Variants in ABLIM2 observed in about 807,000 individuals in gnomAD.
ABLIM2 encodes actin binding LIM protein family member 2, also known as actin-binding LIM protein 2.
Under a neutral mutation model 97.7 loss-of-function variants are expected in ABLIM2, and 53 were observed. That is an observed-to-expected ratio of 0.54 (90% CI 0.44 to 0.68). The LOEUF (loss-of-function observed/expected upper bound fraction) is 0.68, where lower values mean the gene tolerates loss of function less well. ABLIM2 is among the 30% of genes least tolerant of loss of function. The probability of loss-of-function intolerance (pLI) is 0.00; values close to 1 mark genes in which losing one functional copy is unlikely to be tolerated. For synonymous variants in ABLIM2, 361 were observed against 345.8 expected, an observed-to-expected ratio of 1.04 and a Z score of -0.49; for missense variants, 835 against 867.2, an observed-to-expected ratio of 0.96 and a Z score of 0.47.
intron 10 of ABLIM2, among the ~76,000 whole-genome samples, chr4:8,035,678 A>C (rs1207639334): frequency 6.6e-6 from 1 of 152,174 alleles, no homozygotes; most frequent in Non-Finnish European, 1.5e-5. Flanking sequence ...GGAAATAAAT[A>C]ATCTGTGGTT....
rs993826207 is a variant in ABLIM2, at chr4:8,128,796, C to G, written c.11-22159G>C. ...GAGCCCTCATCATGGGATGAGTGCCCTTGTAAGAAGAGGCCAGAGGCTGCC... is the reference window on the plus strand; with the variant it reads ...GAGCCCTCATCATGGGATGAGTGCCGTTGTAAGAAGAGGCCAGAGGCTGCC... On this transcript the variant is annotated intron_variant, in intron 1 of 20. Coordinates refer to ENST00000447017, the MANE Select transcript of ABLIM2 (RefSeq NM_001130083.2). This position sits in a 1 kb window ranked among gnomAD's most constrained non-coding sequence, Gnocchi z 4.9. 2.0e-5 allele frequency among the ~76,000 whole-genome samples: 3 copies of G among 152,122 alleles called. No individual in the cohort carries two copies. The highest frequency in any genetic ancestry group is 4.4e-5 in the Non-Finnish European group (3 of 68,010).
chr4:8,106,478 A>C lies in ABLIM2; in HGVS notation c.154+16T>G. The C allele has an allele frequency of 1.9e-6, 3 of 1,584,782 alleles. No individual in the cohort carries two copies. Among genetic ancestry groups the C allele is most frequent in the South Asian group, 2.3e-5 (2 of 86,574 alleles). ...CGTTTCAGGGGCCACACTGCAGGGG[A>C]CCGGGGGACACTCACCTTTACAGAC... On this transcript the variant is annotated intron_variant, in intron 2 of 20. Transcript: ENST00000447017.
intron 20 of ABLIM2, among the ~76,000 whole-genome samples, chr4:7,982,186 A>C (rs2149648807): frequency 6.7e-6 from 1 of 150,014 alleles, no homozygotes. Flanking sequence ...AGCGGCATCC[A>C]CGCCCCTCCA....
In ABLIM2 at chr4:8,003,129, T is replaced by G. The variant is rs925146505; in HGVS notation, c.1618+4930A>C. 1.3e-5 allele frequency among the ~76,000 whole-genome samples: 2 copies of G among 152,220 alleles called. No individual in the cohort carries two copies. The highest frequency in any genetic ancestry group is 2.9e-5 in the Non-Finnish European group (2 of 68,042). On this transcript the variant is annotated intron_variant, in intron 16 of 20. Transcript: ENST00000447017. This position sits in a 1 kb window ranked among gnomAD's most constrained non-coding sequence, Gnocchi z 4.2. ...CAAGCACTCATGAAATACAGAGAGA[T>G]GCCCCTTGGCTTACCACGGGCTCAT...
intron 3 of ABLIM2, among the ~76,000 whole-genome samples, chr4:8,091,325 A>AT (rs1469427162): frequency 3.5e-5 from 1 of 28,696 alleles, no homozygotes; most frequent in Non-Finnish European, 5.5e-5. Flanking sequence ...ATAATTATAT[A>AT]TATATTATAT....
chr4:7,991,273 AG>A (rs34183518), intron 17 of ABLIM2, among the ~76,000 whole-genome samples: 15,086 of 152,264 alleles, frequency 0.099, 950 homozygotes, highest in Non-Finnish European at 0.15. Flanking sequence ...ACCTTCCCAG[AG>A]GATGCACAGC....
intron 3 of ABLIM2, among the ~76,000 whole-genome samples, chr4:8,094,454 T>A (rs377665830): frequency 5.1e-4 from 77 of 152,244 alleles, no homozygotes; most frequent in African/African-American, 1.9e-3. Flanking sequence ...CTCACAACTC[T>A]AAGGGGGTCT....
chr4:8,127,438 C>G lies in ABLIM2; in HGVS notation c.11-20801G>C. 8.0e-7 allele frequency: 1 copy of G among 1,244,002 alleles called. No homozygotes were observed. The highest frequency in any genetic ancestry group is 1.0e-6 in the Non-Finnish European group (1 of 952,468). The allele number at this position is 1,244,002 out of a possible 1,614,324, so 77.1% of individuals were successfully genotyped here. A position where few individuals can be genotyped will look rare whatever the true frequency, so the allele number is the denominator to read the frequency against. Reference sequence around the variant, plus strand: ...TGGACCCGTCCTTTCCCACCAGACCCCTGAAGCTGATTCATGGAGCTCACA... The same window carrying G: ...TGGACCCGTCCTTTCCCACCAGACCGCTGAAGCTGATTCATGGAGCTCACA... On this transcript the variant is annotated intron_variant, in intron 1 of 20. Coordinates refer to ENST00000447017, the MANE Select transcript of ABLIM2 (RefSeq NM_001130083.2). The surrounding 1 kb of genome is among the most constrained non-coding windows in gnomAD (Gnocchi z 7.3).
At chr4:8,064,403 G>A (rs2152200243) in intron 6 of ABLIM2, among the ~76,000 whole-genome samples, 1 of 152,324 alleles carries the variant, frequency 6.6e-6, no homozygotes, top group South Asian at 2.1e-4. Context: ...AACAGGACGG[G>A]TGGCTCTGAA....
chr4:7,976,797 A>T (rs1443073053), intron 20 of ABLIM2, among the ~76,000 whole-genome samples: 1 of 152,122 alleles, frequency 6.6e-6, no homozygotes, highest in Non-Finnish European at 1.5e-5. Flanking sequence ...AAGTATACAC[A>T]CATACACATG....
In ABLIM2 at chr4:8,139,194, T is replaced by C. The variant is rs368162349; in HGVS notation, c.10+19486A>G. ...CCTGGGCAACAACAGTGAAACTCTGTCTTGAAAAGAGAAAACGGAAAAGGG... is the reference window on the plus strand; with the variant it reads ...CCTGGGCAACAACAGTGAAACTCTGCCTTGAAAAGAGAAAACGGAAAAGGG... On this transcript the variant is annotated intron_variant, in intron 1 of 20. Transcript: ENST00000447017. Among the ~76,000 whole-genome samples, 21 of 140,594 alleles carry C rather than the reference T, an allele frequency of 1.5e-4. 1 individual carries two copies. The highest frequency in any genetic ancestry group is 1.1e-3 in the Admixed American group (15 of 13,742). The allele number at this position is 140,594 out of a possible 152,430, so 92.2% of individuals were successfully genotyped here.
At position 8,141,823 on chromosome 4, in the gene ABLIM2, G is replaced by A. The variant is rs559945840; in HGVS notation, c.10+16857C>T. ...TGCTACTTGCCACACTGTATCTAGG[G>A]TCCCATCTTAAATTTCATATGTCCA... On this transcript the variant is annotated intron_variant, in intron 1 of 20. Transcript: ENST00000447017. Among the ~76,000 whole-genome samples, 223 of 152,344 alleles carry A rather than the reference G, an allele frequency of 1.5e-3. 1 individual carries two copies. Among genetic ancestry groups the A allele is most frequent in the Non-Finnish European group, 2.3e-3 (158 of 68,036 alleles).
chr4:8,085,067 G>A lies in ABLIM2; in HGVS notation c.454+3102C>T, dbSNP rs530906733. On this transcript the variant is annotated intron_variant, in intron 4 of 20. Coordinates refer to ENST00000447017, the MANE Select transcript of ABLIM2 (RefSeq NM_001130083.2). The surrounding 1 kb of genome is among the most constrained non-coding windows in gnomAD (Gnocchi z 6.1). ...AGCTGAGGCATGCGGGGTGTTCGCT[G>A]CTCCTTCTGGAAGAAGCCTGTGCGG... Among the ~76,000 whole-genome samples, 256 of 152,298 alleles carry A rather than the reference G, an allele frequency of 1.7e-3. 2 individuals are homozygous for A. The Middle Eastern group carries it at 0.017, about 10-fold the overall frequency.
intron 8 of ABLIM2, among the ~76,000 whole-genome samples, chr4:8,051,597 T>A (rs894694528): frequency 1.3e-5 from 2 of 151,384 alleles, no homozygotes; most frequent in African/African-American, 2.4e-5. Context: ...AAAGAAATTA[T>A]TTTAGGCAGA....
chr4:8,073,230 C>A (rs888569018), intron 6 of ABLIM2, among the ~76,000 whole-genome samples: 1 of 151,024 alleles, frequency 6.6e-6, no homozygotes, highest in African/African-American at 2.4e-5. Flanking sequence ...GGGTGGTGTG[C>A]GGGAAGCAGC....
chr4:8,143,152 G>T, intron 1 of ABLIM2, among the ~76,000 whole-genome samples: 1 of 132,970 alleles, frequency 7.5e-6, no homozygotes, highest in Non-Finnish European at 1.6e-5. Context: ...GGGAGCGGGG[G>T]CGAGAGTGGG....
intron 9 of ABLIM2, 25 bp downstream of exon 9, chr4:8,045,139 T>A: frequency 6.2e-7 from 1 of 1,606,640 alleles, no homozygotes; most frequent in Non-Finnish European, 8.5e-7. Flanking sequence ...CCCACCGCCG[T>A]CCCCATAAAA....
chr4:8,008,508 C>T lies in ABLIM2; in HGVS notation c.1477-308G>A, dbSNP rs187762778. ...TGCACGGGGAGAATGAGGGCTGCTG[C>T]CCAAGTCCAGCCTCGGGCTCTCCCT... On this transcript the variant is annotated intron_variant, in intron 15 of 20. Coordinates refer to ENST00000447017, the MANE Select transcript of ABLIM2 (RefSeq NM_001130083.2). Among the ~76,000 whole-genome samples the T allele has an allele frequency of 3.7e-3, 556 of 152,320 alleles. 1 individual carries two copies. The highest frequency in any genetic ancestry group is 6.2e-3 in the Non-Finnish European group (424 of 68,030).
intron 1 of ABLIM2, among the ~76,000 whole-genome samples, chr4:8,118,634 T>C (rs1310949335): frequency 5.3e-5 from 8 of 152,172 alleles, no homozygotes; most frequent in Non-Finnish European, 8.8e-5. Flanking sequence ...CTAAGCCTGG[T>C]ACCCACCTGG....
Sources: gnomAD v4.1 joint callset for allele counts (sites outside exome capture counted in the v4.1 genomes callset) on GRCh38, gnomAD v4.1.1 for gene constraint, Gnocchi (gnomAD v3.1) non-coding constraint, MANE v1.5 for transcripts, NCBI Gene and HGNC (gene_info 2026-07-23, HGNC 2026-07-21) for gene names.